ACTN4: variants seen among roughly 807,000 people sequenced by gnomAD.
ACTN4 encodes alpha-actinin-4.
A neutral mutation model predicts 114.2 loss-of-function variants in ACTN4; 18 were observed. That is an observed-to-expected ratio of 0.16 (90% confidence interval 0.11 to 0.23). ACTN4 has a LOEUF of 0.23. Ranked by LOEUF, ACTN4 falls within the 10% of genes least tolerant of loss-of-function variation. The pLI, the probability that ACTN4 is intolerant of heterozygous loss-of-function variation, is 1.00. For synonymous variants in ACTN4, 515 were observed against 506.3 expected, an observed-to-expected ratio of 1.02 and a Z score of -0.23; for missense variants, 722 against 1,262.9, an observed-to-expected ratio of 0.57 and a Z score of 6.49.
chr19:38,702,738 A>C (rs1288540020), intron 3 of ACTN4, among the ~76,000 whole-genome samples: 1 of 152,202 alleles, frequency 6.6e-6, no homozygotes, highest in Non-Finnish European at 1.5e-5. Flanking sequence ...TCTGGGCAGC[A>C]GAATGAGCAT....
At chr19:38,675,575 G>C (rs1286014362) in intron 1 of ACTN4, among the ~76,000 whole-genome samples, 5 of 152,184 alleles carry the variant, frequency 3.3e-5, no homozygotes, top group Admixed American at 3.3e-4. Flanking sequence ...TCTTTCAAGA[G>C]GGAGGATCTT....
At chr19:38,671,733 TACTAG>T (rs1329487391) in intron 1 of ACTN4, among the ~76,000 whole-genome samples, 1 of 152,146 alleles carries the variant, frequency 6.6e-6, no homozygotes, top group Non-Finnish European at 1.5e-5. Context: ...GTGATTGGAG[TACTAG>T]CCCCACAGTC....
At chr19:38,647,985 T>C in intron 1 of ACTN4, 78 bp downstream of exon 1, 1 of 1,368,708 alleles carries the variant, frequency 7.3e-7, no homozygotes, top group Non-Finnish European at 9.4e-7. Context: ...TCCTGAAAGG[T>C]AACTGGAGCG....
At chr19:38,682,206 T>C (rs558894421) in intron 1 of ACTN4, among the ~76,000 whole-genome samples, 2 of 152,150 alleles carry the variant, frequency 1.3e-5, no homozygotes, top group Non-Finnish European at 2.9e-5. Flanking sequence ...TTTTAAATTT[T>C]GTTTATTTAT....
chr19:38,722,446 T>C lies in ACTN4; in HGVS notation c.1442+758T>C, dbSNP rs1969077651. ...ACCCCCAAAGGTCTGCTTATTCCTA[T>C]GAGTCCAAGGCCCGTTTATTCCTGA... On this transcript the variant is annotated intron_variant, in intron 12 of 20. Coordinates refer to ENST00000252699, the MANE Select transcript of ACTN4 (RefSeq NM_004924.6). Among the ~76,000 whole-genome samples the C allele has an allele frequency of 4.0e-5, 6 of 150,736 alleles. No homozygotes were observed. The South Asian group carries it at 1.3e-3, about 32-fold the overall frequency.
intron 6 of ACTN4, among the ~76,000 whole-genome samples, chr19:38,708,831 G>A (rs1289382697): frequency 6.6e-6 from 1 of 152,226 alleles, no homozygotes; most frequent in Non-Finnish European, 1.5e-5. Context: ...AGAGCCAGAG[G>A]AGGGCTTCCT....
At chr19:38,712,040 C>A (rs1471849076) in intron 8 of ACTN4, among the ~76,000 whole-genome samples, 1 of 152,208 alleles carries the variant, frequency 6.6e-6, no homozygotes, top group African/African-American at 2.4e-5. Context: ...TTTGAAGTGT[C>A]AGCAGTTGGC....
At position 38,731,462 on chromosome 19, in the gene ACTN4, G is replaced by A. The variant is rs1969604762; in HGVS notation, c.*2030G>A. ...GGGTGTGTGAAGACAGAACGCTCAG[G>A]ACAGCGTCTGACACGTGACTCGATG... On this transcript the variant is annotated 3_prime_UTR_variant, in exon 21 of 21. Coordinates refer to ENST00000252699, the MANE Select transcript of ACTN4 (RefSeq NM_004924.6). 1.8e-6 allele frequency: 1 copy of A among 564,586 alleles called. No homozygotes were observed. The highest frequency in any genetic ancestry group is 3.2e-6 in the Non-Finnish European group (1 of 312,996). 35.0% of individuals were successfully genotyped at this position (564,586 alleles called of 1,614,324 possible). A position where few individuals can be genotyped will look rare whatever the true frequency, so the allele number is the denominator to read the frequency against.
At chr19:38,668,892 G>A (rs1471026590) in intron 1 of ACTN4, among the ~76,000 whole-genome samples, 1 of 152,094 alleles carries the variant, frequency 6.6e-6, no homozygotes, top group Non-Finnish European at 1.5e-5. Flanking sequence ...GTTCAGAGCT[G>A]CCTCCCTTAT....
At chr19:38,655,301 C>T (rs1000561245) in intron 1 of ACTN4, among the ~76,000 whole-genome samples, 2 of 152,132 alleles carry the variant, frequency 1.3e-5, no homozygotes, top group Admixed American at 1.3e-4. Flanking sequence ...GCTGAAGGCC[C>T]CCCAGGCTTG....
rs555388589 is a variant in ACTN4, at chr19:38,706,181, C to A, written c.572+50C>A. ...CTCCTTTCCTCTAGGAACCTGAGAT[C>A]CTTCCTCCCACCTGCCCTGTTTGCT... On this transcript the variant is annotated intron_variant, in intron 5 of 20. Transcript: ENST00000252699. 919 of 1,568,622 alleles carry A rather than the reference C, an allele frequency of 5.9e-4. 14 individuals are homozygous for A. The South Asian group carries it at 9.7e-3, about 17-fold the overall frequency.
At chr19:38,680,545 G>C (rs916474892) in intron 1 of ACTN4, among the ~76,000 whole-genome samples, 2 of 152,106 alleles carry the variant, frequency 1.3e-5, no homozygotes, top group African/African-American at 4.8e-5. Flanking sequence ...CCTGTTTGCT[G>C]AACTTTAGAC....
intron 12 of ACTN4, chr19:38,721,994 C>T: frequency 2.2e-6 from 1 of 456,880 alleles, no homozygotes; most frequent in Non-Finnish European, 4.1e-6. Flanking sequence ...TCCTGGCCAC[C>T]CCAAGTAGGC....
At chr19:38,723,907 G>A in intron 13 of ACTN4, 30 bp from the exon 14 acceptor site, 2 of 1,605,868 alleles carry the variant, frequency 1.2e-6, no homozygotes, top group African/African-American at 2.8e-5. Context: ...CCTTCCCTCT[G>A]TCCCTGCCCC....
intron 1 of ACTN4, among the ~76,000 whole-genome samples, chr19:38,677,416 G>A (rs1967414312): frequency 6.6e-6 from 1 of 152,140 alleles, no homozygotes; most frequent in African/African-American, 2.4e-5. Context: ...TGCTTTTCAA[G>A]TGGGCAGAAG....
Position 38,731,417 on chromosome 19 carries a change from A to AAGACAGCCCC in ACTN4, c.*1986_*1995dup. ...TGTTTCCTCATCCATCAAACGGACT[A>AAGACAGCCCC]AGACAGCCCCGACCCCATAGGGTGT... On this transcript the variant is annotated 3_prime_UTR_variant, in exon 21 of 21. Coordinates refer to ENST00000252699, the MANE Select transcript of ACTN4 (RefSeq NM_004924.6). 1.6e-6 allele frequency: 1 copy of AAGACAGCCCC among 614,098 alleles called. No homozygotes were observed. Among genetic ancestry groups the AAGACAGCCCC allele is most frequent in the Non-Finnish European group, 3.0e-6 (1 of 338,670 alleles). The allele number at this position is 614,098 out of a possible 1,614,324, so 38.0% of individuals were successfully genotyped here.
intron 1 of ACTN4, among the ~76,000 whole-genome samples, chr19:38,696,643 G>T (rs1463770588): frequency 3.9e-5 from 6 of 152,228 alleles, no homozygotes; most frequent in African/African-American, 1.4e-4. Context: ...GTGAGTGCAG[G>T]CTCTCCTCAC....
intron 1 of ACTN4, among the ~76,000 whole-genome samples, chr19:38,676,960 TC>T (rs1692340487): frequency 6.6e-6 from 1 of 152,100 alleles, no homozygotes; most frequent in Non-Finnish European, 1.5e-5. Context: ...AACCTGCAAG[TC>T]CCCAAGGCCC....
intron 8 of ACTN4, among the ~76,000 whole-genome samples, chr19:38,713,912 C>T (rs1372059070): frequency 1.3e-5 from 2 of 152,204 alleles, no homozygotes; most frequent in Non-Finnish European, 2.9e-5. Context: ...CCACTCTCAC[C>T]CTCCAAAGCC....
Sources: allele counts gnomAD v4.1 joint callset (sites outside exome capture counted in the v4.1 genomes callset), GRCh38; gene constraint gnomAD v4.1.1; transcripts MANE v1.5; gene names NCBI Gene and HGNC (gene_info 2026-07-23, HGNC 2026-07-21).